PRKAG2: variants seen among roughly 807,000 people sequenced by gnomAD.
PRKAG2 encodes protein kinase AMP-activated non-catalytic subunit gamma 2, also known as 5'-AMP-activated protein kinase subunit gamma-2.
A neutral mutation model predicts 69.6 loss-of-function variants in PRKAG2; 26 were observed. The observed-to-expected ratio is 0.37, with a 90% CI of 0.27 to 0.52. The LOEUF (loss-of-function observed/expected upper bound fraction) is 0.52. Ranked by LOEUF, PRKAG2 falls within the 20% of genes least tolerant of loss-of-function variation. The pLI is 0.90. For synonymous variants in PRKAG2, 293 were observed against 285.0 expected (o/e 1.03, Z -0.28); for missense variants, 557 against 740.0 (o/e 0.75, Z 2.87).
At position 151,560,587 on chromosome 7, in the gene PRKAG2, C is replaced by T. The variant is rs1804709862; in HGVS notation, c.1615G>A (p.Asp539Asn). 6.2e-7 allele frequency: 1 copy of T among 1,614,044 alleles called. No individual in the cohort carries two copies. Among genetic ancestry groups the T allele is most frequent in the African/African-American group, 1.3e-5 (1 of 75,038 alleles). Residue 539 changes from aspartate (D) to asparagine (N), a missense_variant, in exon 15 of 16, where the codon GAT becomes AAT. Around this residue, in one of 2 missense-constraint regions of PRKAG2, gnomAD observed 205 missense variants for 383.4 expected, o/e 0.53. Transcript: ENST00000287878. ...VHRLVVVNEA[D>N]SIVGIISLSD... is the part of the protein sequence containing the mutation. Reference sequence around the variant, plus strand: ...AGGGAAATAATACCCACAATACTATCTGCTTCATTTACCACCACCAGCCGA... The same window carrying T: ...AGGGAAATAATACCCACAATACTATTTGCTTCATTTACCACCACCAGCCGA...
intron 1 of PRKAG2, among the ~76,000 whole-genome samples, chr7:151,866,385 T>C (rs2080079265): frequency 6.6e-6 from 1 of 152,222 alleles, no homozygotes; most frequent in South Asian, 2.1e-4. Flanking sequence ...CTTTTCTACA[T>C]TAAGGATAAT....
intron 1 of PRKAG2, chr7:151,809,153 T>C: frequency 4.6e-6 from 2 of 438,714 alleles, no homozygotes; most frequent in South Asian, 3.2e-5. Context: ...CCATCCTGCG[T>C]AAATGCCTGC....
intron 12 of PRKAG2, 110 bp from the exon 13 acceptor site, chr7:151,565,493 C>T: frequency 1.0e-6 from 1 of 975,180 alleles, no homozygotes. Flanking sequence ...GATAAATAAC[C>T]TTGTCTATTT....
chr7:151,602,263 G>A (rs977771180), intron 5 of PRKAG2, among the ~76,000 whole-genome samples: 2 of 152,126 alleles, frequency 1.3e-5, no homozygotes, highest in Non-Finnish European at 2.9e-5. Flanking sequence ...AAATTCAAAA[G>A]CAAGAAATCA....
intron 1 of PRKAG2, among the ~76,000 whole-genome samples, chr7:151,846,589 G>A (rs2079437841): frequency 6.6e-6 from 1 of 152,158 alleles, no homozygotes; most frequent in South Asian, 2.1e-4. Flanking sequence ...TGTTTCTGAG[G>A]GACACCGTAA....
At chr7:151,650,457 C>T (rs940821735) in intron 4 of PRKAG2, among the ~76,000 whole-genome samples, 3 of 152,144 alleles carry the variant, frequency 2.0e-5, no homozygotes, top group Admixed American at 2.0e-4. Context: ...TCCTACCAAA[C>T]TCAGCAGTTC....
intron 1 of PRKAG2, among the ~76,000 whole-genome samples, chr7:151,792,228 C>T (rs2077299098): frequency 6.6e-6 from 1 of 152,106 alleles, no homozygotes; most frequent in South Asian, 2.1e-4. Flanking sequence ...TGATTCATTC[C>T]CCAGGCAACT....
chr7:151,803,933 G>A (rs1212791493), intron 1 of PRKAG2, among the ~76,000 whole-genome samples: 2 of 89,150 alleles, frequency 2.2e-5, no homozygotes, highest in African/African-American at 1.2e-4. Flanking sequence ...GCGAGACTAT[G>A]TCTCAAAAAA....
chr7:151,621,848 T>C (rs1407829523), intron 5 of PRKAG2, among the ~76,000 whole-genome samples: 1 of 152,176 alleles, frequency 6.6e-6, no homozygotes, highest in Non-Finnish European at 1.5e-5. Context: ...GTGCTGGGAT[T>C]ACAGGCGTGA....
At chr7:151,751,261 CTAA>C (rs2074662819) in intron 3 of PRKAG2, among the ~76,000 whole-genome samples, 1 of 144,022 alleles carries the variant, frequency 6.9e-6, no homozygotes, top group South Asian at 2.3e-4. Context: ...CCATGCCAGG[CTAA>C]TTTTTATTTA....
intron 3 of PRKAG2, among the ~76,000 whole-genome samples, chr7:151,676,076 C>A (rs1410580381): frequency 6.6e-6 from 1 of 152,122 alleles, no homozygotes; most frequent in Non-Finnish European, 1.5e-5. Flanking sequence ...TATTTTCCTC[C>A]ATTCAGCCAA....
At chr7:151,714,302 C>T (rs1277884699) in intron 3 of PRKAG2, among the ~76,000 whole-genome samples, 6 of 152,144 alleles carry the variant, frequency 3.9e-5, no homozygotes, top group Non-Finnish European at 7.3e-5. Context: ...ATGGGGGAGG[C>T]GGCAGGGCTT....
intron 1 of PRKAG2, among the ~76,000 whole-genome samples, chr7:151,820,023 G>A (rs980410346): frequency 2.6e-5 from 4 of 152,222 alleles, no homozygotes; most frequent in African/African-American, 9.6e-5. Flanking sequence ...AGGTGTTCCT[G>A]ATTTTATGCC....
chr7:151,673,049 C>T (rs77334294), intron 4 of PRKAG2, among the ~76,000 whole-genome samples: 1 of 152,146 alleles, frequency 6.6e-6, no homozygotes, highest in African/African-American at 2.4e-5. Flanking sequence ...CTGTTACACT[C>T]GCGGGGAGGA....
chr7:151,827,745 TAAAAAAAAA>T (rs55685618), intron 1 of PRKAG2, among the ~76,000 whole-genome samples: 112 of 52,256 alleles, frequency 2.1e-3, no homozygotes, highest in African/African-American at 4.5e-3. Flanking sequence ...TGGCCTTAGG[TAAAAAAAAA>T]AAAAAAAAAA....
intron 4 of PRKAG2, among the ~76,000 whole-genome samples, chr7:151,664,524 C>T (rs986874273): frequency 6.6e-6 from 1 of 152,198 alleles, no homozygotes; most frequent in African/African-American, 2.4e-5. Flanking sequence ...TCCACATCCT[C>T]CACCCTTACT....
chr7:151,865,800 A>G (rs1302957279), intron 1 of PRKAG2, among the ~76,000 whole-genome samples: 1 of 152,172 alleles, frequency 6.6e-6, no homozygotes, highest in Non-Finnish European at 1.5e-5. Flanking sequence ...CGGGCGGATC[A>G]TGAGGTCAGG....
intron 3 of PRKAG2, among the ~76,000 whole-genome samples, chr7:151,745,319 G>A (rs563160114): frequency 7.2e-5 from 11 of 152,254 alleles, no homozygotes; most frequent in African/African-American, 2.2e-4. Flanking sequence ...CTCTCCTGCC[G>A]GTTGCAAAAT....
At chr7:151,747,551 C>T (rs369338979) in intron 3 of PRKAG2, among the ~76,000 whole-genome samples, 37 of 138,956 alleles carry the variant, frequency 2.7e-4, no homozygotes, top group African/African-American at 6.6e-4. Context: ...AGAGAGACTC[C>T]GTCTCAAAAA....
Sources: allele counts gnomAD v4.1 joint callset (sites outside exome capture counted in the v4.1 genomes callset), GRCh38; gene constraint gnomAD v4.1.1; regional missense constraint gnomAD v4.1.1; transcripts MANE v1.5; gene names NCBI Gene and HGNC (gene_info 2026-07-23, HGNC 2026-07-21).